The following NXPH1 variants were observed in gnomAD, a reference collection of about 807,000 sequenced individuals.
The protein encoded by NXPH1 is neurexophilin 1.
NXPH1 carries 5 observed loss-of-function variants against 23.7 expected under a neutral mutation model. The ratio of observed to expected loss-of-function variants is 0.21; its 90% CI spans 0.11 to 0.44. NXPH1 has a LOEUF of 0.44. Among genes scored for constraint, NXPH1 ranks in the 20% least tolerant of loss-of-function variants. The probability of loss-of-function intolerance (pLI) is 0.99; values close to 1 mark genes in which losing one functional copy is unlikely to be tolerated. For synonymous variants in NXPH1, 144 were observed against 122.2 expected (o/e 1.18, Z -1.18); for missense variants, 324 against 321.6 (o/e 1.01, Z -0.06).
At position 8,441,274 on chromosome 7, in the gene NXPH1, A is replaced by G. The variant is rs139261246; in HGVS notation, c.54+5507A>G. Among the ~76,000 whole-genome samples the G allele has an allele frequency of 3.3e-3, 496 of 152,066 alleles. 5 individuals are homozygous for G. Among genetic ancestry groups the G allele is most frequent in the African/African-American group, 0.011 (469 of 41,480 alleles). On this transcript the variant is annotated intron_variant, in intron 2 of 2. Coordinates refer to ENST00000405863, the MANE Select transcript of NXPH1 (RefSeq NM_152745.3). ...CGCCTCCCTCTGCATTCTCTTAGCC[A>G]CTATTTGCCTGGTCCCGTCGCGTGT...
chr7:8,517,339 G>C (rs1817702102), intron 2 of NXPH1, among the ~76,000 whole-genome samples: 1 of 152,162 alleles, frequency 6.6e-6, no homozygotes, highest in Non-Finnish European at 1.5e-5. Context: ...GTGAGGAGAA[G>C]AGGATTGTAG....
intron 2 of NXPH1, among the ~76,000 whole-genome samples, chr7:8,464,383 CTG>C (rs2128607306): frequency 6.6e-6 from 1 of 152,284 alleles, no homozygotes; most frequent in African/African-American, 2.4e-5. Flanking sequence ...TGATAGCCAT[CTG>C]CTGCTCATAG....
intron 2 of NXPH1, among the ~76,000 whole-genome samples, chr7:8,485,629 A>G (rs886654): frequency 0.59 from 90,276 of 151,954 alleles, 29,538 homozygotes; most frequent in African/African-American, 0.88. Flanking sequence ...GACTAGAGGT[A>G]TAGTATTTTG....
chr7:8,588,425 G>A (rs151108331), intron 2 of NXPH1, among the ~76,000 whole-genome samples: 50 of 151,658 alleles, frequency 3.3e-4, no homozygotes, highest in African/African-American at 1.2e-3. Flanking sequence ...TATAAATCAG[G>A]AAAGACAGGG....
rs79837554 is a variant in NXPH1, at chr7:8,457,248, C to T, written c.54+21481C>T. Among the ~76,000 whole-genome samples the T allele has an allele frequency of 3.3e-3, 496 of 152,248 alleles. 5 individuals are homozygous for T. Among genetic ancestry groups the T allele is most frequent in the African/African-American group, 0.011 (477 of 41,538 alleles). On this transcript the variant is annotated intron_variant, in intron 2 of 2. Coordinates refer to ENST00000405863, the MANE Select transcript of NXPH1 (RefSeq NM_152745.3). ...ATTTTACAACAGTTGGCAACTGACACAAGGGAAATAAATGTCTACTTCTCT... is the reference window on the plus strand; with the variant it reads ...ATTTTACAACAGTTGGCAACTGACATAAGGGAAATAAATGTCTACTTCTCT...
At chr7:8,588,804 G>C (rs533312083) in intron 2 of NXPH1, among the ~76,000 whole-genome samples, 2 of 152,156 alleles carry the variant, frequency 1.3e-5, no homozygotes, top group South Asian at 2.1e-4. Context: ...AACTACACTT[G>C]GGTTGACATG....
At chr7:8,593,686 G>A (rs1450157011) in intron 2 of NXPH1, among the ~76,000 whole-genome samples, 1 of 152,002 alleles carries the variant, frequency 6.6e-6, no homozygotes, top group African/African-American at 2.4e-5. Context: ...ATGTCTTGCT[G>A]TCTCTGGACC....
chr7:8,463,759 G>A lies in NXPH1; in HGVS notation c.54+27992G>A, dbSNP rs1040030301. Among the ~76,000 whole-genome samples, 4 of 152,060 alleles carry A rather than the reference G, an allele frequency of 2.6e-5. No individual in the cohort carries two copies. In the East Asian group the frequency reaches 7.7e-4, roughly 29 times the overall value. ...GACTGTTCATTCCCTTTTTGAGTTA[G>A]TCACTTAAGCTTTCTAAGTTTAGTT... On this transcript the variant is annotated intron_variant, in intron 2 of 2. Transcript: ENST00000405863.
intron 2 of NXPH1, among the ~76,000 whole-genome samples, chr7:8,456,628 CT>C (rs201262934): frequency 1.1e-3 from 162 of 151,684 alleles, no homozygotes; most frequent in African/African-American, 3.7e-3. Flanking sequence ...GAAAACGTAA[CT>C]TTTTTTTTGT....
chr7:8,519,303 A>G (rs1028972935), intron 2 of NXPH1, among the ~76,000 whole-genome samples: 2 of 152,210 alleles, frequency 1.3e-5, no homozygotes, highest in Non-Finnish European at 2.9e-5. Flanking sequence ...CACAAACATT[A>G]ATTAAAGTTG....
chr7:8,687,918 C>G (rs1189695450), intron 2 of NXPH1, among the ~76,000 whole-genome samples: 3 of 152,172 alleles, frequency 2.0e-5, no homozygotes, highest in African/African-American at 7.2e-5. Flanking sequence ...CTATCAGGCT[C>G]TGTTGCTTTT....
chr7:8,585,112 A>G (rs1217888021), intron 2 of NXPH1, among the ~76,000 whole-genome samples: 2 of 152,218 alleles, frequency 1.3e-5, no homozygotes, highest in Non-Finnish European at 2.9e-5. Flanking sequence ...TCATTGGGAA[A>G]TATCAGTAAT....
chr7:8,671,335 A>G (rs1386695479), intron 2 of NXPH1, among the ~76,000 whole-genome samples: 1 of 152,182 alleles, frequency 6.6e-6, no homozygotes, highest in Non-Finnish European at 1.5e-5. Flanking sequence ...TTTCTTGGAC[A>G]GATAGGTTCC....
At chr7:8,737,979 C>G (rs1486301454) in intron 2 of NXPH1, among the ~76,000 whole-genome samples, 1 of 152,202 alleles carries the variant, frequency 6.6e-6, no homozygotes, top group Non-Finnish European at 1.5e-5. Context: ...TTTTTCAGCT[C>G]CATCAGGTCA....
At chr7:8,727,849 A>C (rs1337163612) in intron 2 of NXPH1, among the ~76,000 whole-genome samples, 9 of 151,814 alleles carry the variant, frequency 5.9e-5, no homozygotes, top group Non-Finnish European at 1.2e-4. Context: ...ATGAACTTTA[A>C]AGTAGTTTTT....
intron 2 of NXPH1, among the ~76,000 whole-genome samples, chr7:8,652,325 ATG>A (rs1220711674): frequency 6.6e-6 from 1 of 150,450 alleles, no homozygotes; most frequent in African/African-American, 2.5e-5. Flanking sequence ...AATTTTACAT[ATG>A]TGTTATTTTA....
At position 8,554,147 on chromosome 7, in the gene NXPH1, C is replaced by T. The variant is rs147654189; in HGVS notation, c.54+118380C>T. ...TCAACAAGATGTGGGACTCAGGGAGCTTATAACATGATGGAAGAAAAAAGC... is the reference window on the plus strand; with the variant it reads ...TCAACAAGATGTGGGACTCAGGGAGTTTATAACATGATGGAAGAAAAAAGC... On this transcript the variant is annotated intron_variant, in intron 2 of 2. Transcript: ENST00000405863. 4.6e-4 allele frequency among the ~76,000 whole-genome samples: 69 copies of T among 150,738 alleles called. No individual in the cohort carries two copies. The East Asian group carries it at 0.014, about 30-fold the overall frequency.
At chr7:8,677,662 C>T (rs1820973050) in intron 2 of NXPH1, among the ~76,000 whole-genome samples, 1 of 152,136 alleles carries the variant, frequency 6.6e-6, no homozygotes, top group Non-Finnish European at 1.5e-5. Context: ...AAGAAACCTT[C>T]CTCTCTATGC....
intron 2 of NXPH1, among the ~76,000 whole-genome samples, chr7:8,693,901 T>A (rs747270193): frequency 2.0e-5 from 3 of 152,198 alleles, no homozygotes; most frequent in Non-Finnish European, 4.4e-5. Context: ...GTGTCCCAGT[T>A]TGGACAACAA....
Sources: gnomAD v4.1 joint callset for allele counts (sites outside exome capture counted in the v4.1 genomes callset) on GRCh38, gnomAD v4.1.1 for gene constraint, MANE v1.5 for transcripts, NCBI Gene and HGNC (gene_info 2026-07-23, HGNC 2026-07-21) for gene names.